The following STK39 variants were observed in gnomAD, a reference collection of about 807,000 sequenced individuals.
STK39 encodes serine/threonine kinase 39, also known as STE20/SPS1-related proline-alanine-rich protein kinase.
A neutral mutation model predicts 77.8 loss-of-function variants in STK39; 20 were observed. That is an observed-to-expected ratio of 0.26 (90% CI 0.18 to 0.37). The LOEUF (loss-of-function observed/expected upper bound fraction) is 0.37. Ranked by LOEUF, STK39 falls within the 10% of genes least tolerant of loss-of-function variation. The probability of loss-of-function intolerance (pLI) is 1.00; values close to 1 mark genes in which losing one functional copy is unlikely to be tolerated. For missense variants in STK39, 479 were observed against 656.5 expected (o/e 0.73, Z 2.95); for synonymous variants, 246 against 234.1 (o/e 1.05, Z -0.47).
intron 8 of STK39, 118 bp downstream of exon 8, chr2:168,137,970 G>A: frequency 7.2e-7 from 1 of 1,391,836 alleles, no homozygotes; most frequent in South Asian, 1.6e-5. Context: ...GACCACAGCA[G>A]GGTTTCCCAG....
chr2:168,041,602 T>C (rs901302804), intron 14 of STK39, among the ~76,000 whole-genome samples: 5 of 152,208 alleles, frequency 3.3e-5, no homozygotes, highest in Admixed American at 1.3e-4. Context: ...TAGTTACTCA[T>C]CTGATCTGTA....
intron 8 of STK39, among the ~76,000 whole-genome samples, chr2:168,131,566 A>C (rs1687698370): frequency 6.6e-6 from 1 of 152,180 alleles, no homozygotes. Flanking sequence ...GGGCCCCAGA[A>C]ACTATTTCTG....
At chr2:168,193,781 G>C (rs1689400219) in intron 1 of STK39, among the ~76,000 whole-genome samples, 1 of 152,226 alleles carries the variant, frequency 6.6e-6, no homozygotes, top group East Asian at 1.9e-4. Flanking sequence ...TATTTAGTTA[G>C]TATGGGACAG....
chr2:168,006,285 C>T (rs1173641104), intron 16 of STK39, among the ~76,000 whole-genome samples: 1 of 152,200 alleles, frequency 6.6e-6, no homozygotes, highest in Non-Finnish European at 1.5e-5. Flanking sequence ...GGCCACATAA[C>T]TGCTTAGCCT....
intron 1 of STK39, among the ~76,000 whole-genome samples, chr2:168,212,539 C>A (rs1221917313): frequency 6.6e-6 from 1 of 152,186 alleles, no homozygotes; most frequent in Non-Finnish European, 1.5e-5. Flanking sequence ...AAAGGGCTCA[C>A]TGGTATAACC....
chr2:168,078,514 T>C (rs1322379364), intron 10 of STK39, among the ~76,000 whole-genome samples: 1 of 152,130 alleles, frequency 6.6e-6, no homozygotes, highest in Non-Finnish European at 1.5e-5. Context: ...AATACAGTTG[T>C]ACCGTCCCCA....
At chr2:168,049,103 G>A (rs1323890142) in intron 14 of STK39, among the ~76,000 whole-genome samples, 1 of 152,164 alleles carries the variant, frequency 6.6e-6, no homozygotes, top group African/African-American at 2.4e-5. Context: ...GTCAGTTGAT[G>A]TAACAGTCAA....
chr2:168,092,268 G>C (rs1344707910), intron 10 of STK39, among the ~76,000 whole-genome samples: 9 of 152,196 alleles, frequency 5.9e-5, no homozygotes, highest in African/African-American at 2.2e-4. Flanking sequence ...CTCAAGGAAA[G>C]CAATAATGGA....
At chr2:168,078,495 A>T (rs1037732835) in intron 10 of STK39, among the ~76,000 whole-genome samples, 1 of 152,162 alleles carries the variant, frequency 6.6e-6, no homozygotes, top group Non-Finnish European at 1.5e-5. Context: ...AGCTGTCTGC[A>T]AATCTGCAAA....
intron 10 of STK39, among the ~76,000 whole-genome samples, chr2:168,085,870 G>C (rs1469998945): frequency 1.3e-5 from 2 of 152,162 alleles, no homozygotes; most frequent in Non-Finnish European, 2.9e-5. Context: ...AAAAGGTGAT[G>C]CAACATCTAT....
At chr2:167,981,035 C>A (rs1900285) in intron 16 of STK39, among the ~76,000 whole-genome samples, 1 of 151,486 alleles carries the variant, frequency 6.6e-6, no homozygotes, top group Non-Finnish European at 1.5e-5. Context: ...CTTCACACTA[C>A]GTTAGGCCAC....
At chr2:168,175,555 C>T (rs1000346730) in intron 2 of STK39, among the ~76,000 whole-genome samples, 12 of 152,060 alleles carry the variant, frequency 7.9e-5, no homozygotes, top group Non-Finnish European at 5.9e-5. Context: ...ATTTGATGTT[C>T]CAAAAATAAA....
At position 168,039,946 on chromosome 2, in the gene STK39, T is replaced by C. The variant is rs187731093; in HGVS notation, c.1377-22851A>G. Among the ~76,000 whole-genome samples the C allele has an allele frequency of 1.5e-4, 23 of 152,298 alleles. 1 individual carries two copies. The highest frequency in any genetic ancestry group is 4.8e-4 in the African/African-American group (20 of 41,572). Reference sequence around the variant, plus strand: ...TACAACCAAATAAGAAATGTCCCATTCAGGCACTGCCTCCCTTGGGAAGCC... The same window carrying C: ...TACAACCAAATAAGAAATGTCCCATCCAGGCACTGCCTCCCTTGGGAAGCC... On this transcript the variant is annotated intron_variant, in intron 14 of 17. Coordinates refer to ENST00000355999, the MANE Select transcript of STK39 (RefSeq NM_013233.3).
chr2:168,183,967 T>C (rs571476254), intron 1 of STK39, among the ~76,000 whole-genome samples: 1 of 152,130 alleles, frequency 6.6e-6, no homozygotes. Context: ...CTGGGCCTGG[T>C]ACCCAGCAGA....
chr2:167,988,551 GT>G (rs1683617578), intron 16 of STK39, among the ~76,000 whole-genome samples: 1 of 151,692 alleles, frequency 6.6e-6, no homozygotes, highest in East Asian at 1.9e-4. Flanking sequence ...AAGCAAAGCT[GT>G]TTTGAGGATT....
chr2:168,093,265 T>C (rs1559093599), intron 10 of STK39, among the ~76,000 whole-genome samples: 1 of 152,196 alleles, frequency 6.6e-6, no homozygotes, highest in Non-Finnish European at 1.5e-5. Context: ...CTCATACTGC[T>C]ATGAAGAAAT....
intron 1 of STK39, among the ~76,000 whole-genome samples, chr2:168,195,888 G>T (rs1480315705): frequency 6.6e-6 from 1 of 152,106 alleles, no homozygotes; most frequent in African/African-American, 2.4e-5. Flanking sequence ...GTGGTGGCGG[G>T]CACCTGTAAT....
chr2:168,180,062 A>G (rs1286174995), intron 2 of STK39, among the ~76,000 whole-genome samples: 1 of 152,184 alleles, frequency 6.6e-6, no homozygotes, highest in Non-Finnish European at 1.5e-5. Flanking sequence ...AAACACAAGT[A>G]TCAGCCAGGT....
chr2:168,176,982 G>A lies in STK39; in HGVS notation c.321+4996C>T, dbSNP rs1190754384. 1.1e-4 allele frequency among the ~76,000 whole-genome samples: 16 copies of A among 152,058 alleles called. 1 individual carries two copies. Among genetic ancestry groups the A allele is most frequent in the Admixed American group, 1.0e-3 (16 of 15,272 alleles). ...ACTTGGGTAATAAAAATAAAATTTTGCCAGAATTTGTCATCACACAAATAA... is the reference window on the plus strand; with the variant it reads ...ACTTGGGTAATAAAAATAAAATTTTACCAGAATTTGTCATCACACAAATAA... On this transcript the variant is annotated intron_variant, in intron 2 of 17. Transcript: ENST00000355999.
Sources: allele counts gnomAD v4.1 joint callset (sites outside exome capture counted in the v4.1 genomes callset), GRCh38; gene constraint gnomAD v4.1.1; transcripts MANE v1.5; gene names NCBI Gene and HGNC (gene_info 2026-07-23, HGNC 2026-07-21).